Variants in BTBD8 observed in about 807,000 individuals in gnomAD.
BTBD8 encodes BTB/POZ domain-containing protein 8.
In BTBD8, 110 loss-of-function variants were observed where a neutral mutation model predicts 162.9. The observed-to-expected ratio is 0.68, with a 90% CI of 0.58 to 0.79. The LOEUF (loss-of-function observed/expected upper bound fraction) is 0.79. BTBD8 is among the 30% of genes least tolerant of loss of function. The probability of loss-of-function intolerance (pLI) is 0.00; values close to 1 mark genes in which losing one functional copy is unlikely to be tolerated. For synonymous variants in BTBD8, 667 were observed against 716.1 expected, an observed-to-expected ratio of 0.93 and a Z score of 1.10; for missense variants, 1,905 against 2,085.4, an observed-to-expected ratio of 0.91 and a Z score of 1.68.
At chr1:92,175,173 G>A (rs1460904433) in intron 13 of BTBD8, among the ~76,000 whole-genome samples, 1 of 151,862 alleles carries the variant, frequency 6.6e-6, no homozygotes, top group African/African-American at 2.4e-5. Context: ...AAAACCGTTT[G>A]CATACTTACA....
chr1:92,108,940 G>A (rs1478660084), intron 4 of BTBD8, among the ~76,000 whole-genome samples: 2 of 152,188 alleles, frequency 1.3e-5, no homozygotes, highest in African/African-American at 2.4e-5. Context: ...TTAGGTTACT[G>A]TAATCCACCA....
At chr1:92,164,487 C>T (rs1309620609) in intron 9 of BTBD8, among the ~76,000 whole-genome samples, 9 of 152,092 alleles carry the variant, frequency 5.9e-5, no homozygotes, top group Non-Finnish European at 1.0e-4. Flanking sequence ...GGCATGGTGG[C>T]GTGCACCTGT....
At position 92,184,548 on chromosome 1, in the gene BTBD8, A is replaced by G; in HGVS notation, c.*218A>G. On this transcript the variant is annotated 3_prime_UTR_variant, in exon 18 of 18. Coordinates refer to ENST00000636805, the MANE Select transcript of BTBD8 (RefSeq NM_001376131.1). ...TTTCTCTAATTATTAGAGAAATTAG[A>G]AGACTTATAAGGAAACCCTAGCTTC... 1 of 385,282 alleles carries G rather than the reference A, an allele frequency of 2.6e-6. No individual in the cohort carries two copies. The highest frequency in any genetic ancestry group is 4.6e-6 in the Non-Finnish European group (1 of 216,416). 23.9% of individuals were successfully genotyped at this position (385,282 alleles called of 1,614,324 possible).
Position 92,089,007 on chromosome 1 carries a change from CATTCACTTAA to C in BTBD8, c.347+117_347+126del, listed in dbSNP as rs1473035104. On this transcript the variant is annotated intron_variant, in intron 2 of 17. Coordinates refer to ENST00000636805, the MANE Select transcript of BTBD8 (RefSeq NM_001376131.1). ...ATTTTGTAACCTGATAAGAAAAATCCATTCACTTAAATTCCAAATTATCTTAGTAATTAGT... is the reference window on the plus strand; with the variant it reads ...ATTTTGTAACCTGATAAGAAAAATCCATTCCAAATTATCTTAGTAATTAGT... 238 of 1,057,266 alleles carry C rather than the reference CATTCACTTAA, an allele frequency of 2.3e-4. 3 individuals carry two copies. The South Asian group carries it at 4.0e-3, about 18-fold the overall frequency. 65.5% of individuals were successfully genotyped at this position (1,057,266 alleles called of 1,614,324 possible).
chr1:92,080,887 C>T (rs1647993742), intron 1 of BTBD8, among the ~76,000 whole-genome samples, 167 bp downstream of exon 1: 2 of 152,172 alleles, frequency 1.3e-5, no homozygotes, highest in Non-Finnish European at 1.5e-5. Flanking sequence ...CGAAAAGTGG[C>T]TTCGCTCGCC....
intron 5 of BTBD8, among the ~76,000 whole-genome samples, chr1:92,136,142 T>A (rs1390901907): frequency 6.6e-6 from 1 of 152,188 alleles, no homozygotes; most frequent in Non-Finnish European, 1.5e-5. Flanking sequence ...ATTTATTTAA[T>A]TAATGGAAAA....
At chr1:92,115,175 A>G in intron 4 of BTBD8, 1 of 533,334 alleles carries the variant, frequency 1.9e-6, no homozygotes, top group Non-Finnish European at 3.7e-6. Context: ...CAGCACCAGT[A>G]GATAGATGCA....
At chr1:92,085,050 GT>G (rs1363856043) in intron 1 of BTBD8, among the ~76,000 whole-genome samples, 1 of 152,082 alleles carries the variant, frequency 6.6e-6, no homozygotes, top group Non-Finnish European at 1.5e-5. Context: ...TCTTTTGTCT[GT>G]CCCTGAACAA....
chr1:92,080,663 G>A lies in BTBD8; in HGVS notation c.92G>A (p.Cys31Tyr), dbSNP rs765442745. ...CSKGLQRKGP[C>Y]ERRRLKATVS... ...AAGGGGTTGCAAAGGAAGGGGCCGTGTGAGCGGCGCCGGCTGAAGGCGACG... is the reference window on the plus strand; with the variant it reads ...AAGGGGTTGCAAAGGAAGGGGCCGTATGAGCGGCGCCGGCTGAAGGCGACG... Residue 31 changes from cysteine to tyrosine, a missense_variant, in exon 1 of 18, where the codon TGT becomes TAT. Transcript: ENST00000636805. The A allele has an allele frequency of 1.9e-6, 3 of 1,613,550 alleles. No homozygotes were observed. In the South Asian group the frequency reaches 3.3e-5, roughly 18 times the overall value.
intron 12 of BTBD8, among the ~76,000 whole-genome samples, chr1:92,170,197 G>A (rs534032596): frequency 1.3e-5 from 2 of 152,038 alleles, no homozygotes; most frequent in Non-Finnish European, 2.9e-5. Flanking sequence ...TAAATAAAAT[G>A]TTATTGGTAA....
intron 9 of BTBD8, among the ~76,000 whole-genome samples, chr1:92,148,398 C>T (rs761551530): frequency 2.0e-5 from 3 of 152,130 alleles, no homozygotes; most frequent in Non-Finnish European, 2.9e-5. Context: ...TTGGGCCTTG[C>T]TCATGGAATT....
intron 9 of BTBD8, among the ~76,000 whole-genome samples, chr1:92,164,873 C>T (rs760296161): frequency 6.6e-6 from 1 of 151,768 alleles, no homozygotes; most frequent in Non-Finnish European, 1.5e-5. Flanking sequence ...AGGATGGTCT[C>T]AATCTCCTGA....
At chr1:92,103,574 C>T (rs1262312800) in intron 3 of BTBD8, among the ~76,000 whole-genome samples, 2 of 152,170 alleles carry the variant, frequency 1.3e-5, no homozygotes, top group African/African-American at 4.8e-5. Context: ...CTAGCCCATG[C>T]AGTGGGATTG....
At chr1:92,087,462 A>G (rs1378558896) in intron 1 of BTBD8, among the ~76,000 whole-genome samples, 2 of 152,282 alleles carry the variant, frequency 1.3e-5, no homozygotes, top group East Asian at 3.9e-4. Context: ...AGATGCATCT[A>G]TTTGGCCATT....
At chr1:92,102,691 T>C in intron 3 of BTBD8, 22 bp downstream of exon 3, 2 of 1,423,102 alleles carry the variant, frequency 1.4e-6, no homozygotes, top group Non-Finnish European at 1.9e-6. Context: ...TTTATGGAGT[T>C]GTATTTATAG....
intron 4 of BTBD8, among the ~76,000 whole-genome samples, chr1:92,110,014 A>G (rs919588418): frequency 2.6e-5 from 4 of 152,148 alleles, no homozygotes; most frequent in South Asian, 2.1e-4. Flanking sequence ...AATGTGCCCA[A>G]ATTGGTATGG....
At chr1:92,151,091 G>A (rs574945448) in intron 9 of BTBD8, among the ~76,000 whole-genome samples, 6 of 152,198 alleles carry the variant, frequency 3.9e-5, no homozygotes, top group Admixed American at 1.3e-4. Context: ...GGTGGCTCGC[G>A]CCTGTAATCC....
intron 7 of BTBD8, among the ~76,000 whole-genome samples, chr1:92,144,292 A>G (rs758373523): frequency 1.3e-5 from 2 of 151,868 alleles, no homozygotes; most frequent in Admixed American, 6.6e-5. Flanking sequence ...TAATTATGCA[A>G]TTTTTTGGCT....
chr1:92,144,288 T>C (rs1359256981), intron 7 of BTBD8, among the ~76,000 whole-genome samples: 2 of 152,106 alleles, frequency 1.3e-5, no homozygotes, highest in African/African-American at 4.8e-5. Context: ...TTCTTAATTA[T>C]GCAATTTTTT....
Sources: gnomAD v4.1 joint callset for allele counts (sites outside exome capture counted in the v4.1 genomes callset) on GRCh38, gnomAD v4.1.1 for gene constraint, MANE v1.5 for transcripts, NCBI Gene and HGNC (gene_info 2026-07-23, HGNC 2026-07-21) for gene names.